The following OTUD7B variants were observed in gnomAD, a reference collection of about 807,000 sequenced individuals.
OTUD7B encodes the protein OTU domain-containing protein 7B.
A neutral mutation model predicts 82.2 loss-of-function variants in OTUD7B; 34 were observed. The observed-to-expected ratio is 0.41, with a 90% CI of 0.31 to 0.55. The LOEUF is 0.55. Among genes scored for constraint, OTUD7B ranks in the 20% least tolerant of loss-of-function variants. OTUD7B has a pLI of 0.20. For missense variants in OTUD7B, 944 were observed against 1,062.1 expected, an observed-to-expected ratio of 0.89 and a Z score of 1.55; for synonymous variants, 398 against 402.7, an observed-to-expected ratio of 0.99 and a Z score of 0.14.
At chr1:150,061,051 A>AC in the OTUD7B span, among the ~76,000 whole-genome samples, 2 of 2,932 alleles carry the variant, frequency 6.8e-4, no homozygotes, top group Non-Finnish European at 1.4e-3. Flanking sequence ...AAAAAACAAA[A>AC]AAAATTTTTT....
intron 1 of OTUD7B, among the ~76,000 whole-genome samples, chr1:150,004,159 G>T (rs1448296629): frequency 6.6e-6 from 1 of 151,754 alleles, no homozygotes; most frequent in Non-Finnish European, 1.5e-5. Context: ...TCTAACTCGG[G>T]CCTCATCACT....
At chr1:150,041,943 GCCA>G in the OTUD7B span, among the ~76,000 whole-genome samples, 16,110 of 152,070 alleles carry the variant, frequency 0.11, 1,189 homozygotes, top group Non-Finnish European at 0.16. Context: ...TCTTTTGAAT[GCCA>G]CTTTCTGTAC....
chr1:149,997,671 G>A (rs1264207593), intron 1 of OTUD7B, among the ~76,000 whole-genome samples: 1 of 152,130 alleles, frequency 6.6e-6, no homozygotes, highest in African/African-American at 2.4e-5. Flanking sequence ...AGAAACCCAG[G>A]CCACTATTGC....
intron 7 of OTUD7B, among the ~76,000 whole-genome samples, chr1:149,950,792 TTTTTTTC>T (rs1457969754): frequency 3.2e-4 from 3 of 9,492 alleles, no homozygotes; most frequent in South Asian, 8.6e-3. Context: ...GTTTTTTGTT[TTTTTTTC>T]TTTTTTTTTT....
At chr1:150,057,568 T>C in the OTUD7B span, among the ~76,000 whole-genome samples, 1 of 152,222 alleles carries the variant, frequency 6.6e-6, no homozygotes, top group Admixed American at 6.5e-5. Context: ...CATGCTTCTG[T>C]AAGGAGATTG....
At chr1:150,021,122 T>C in the OTUD7B span, among the ~76,000 whole-genome samples, 1 of 152,250 alleles carries the variant, frequency 6.6e-6, no homozygotes, top group African/African-American at 2.4e-5. Flanking sequence ...CCTTTTCTAT[T>C]TCTTTCTCTC....
intron 2 of OTUD7B, among the ~76,000 whole-genome samples, chr1:149,974,905 G>T (rs1411202748): frequency 6.6e-6 from 1 of 151,006 alleles, no homozygotes; most frequent in East Asian, 1.9e-4. Context: ...TGTTGCCCAG[G>T]CTGGTCTCAA....
At chr1:149,967,549 A>G in intron 3 of OTUD7B, 28 bp from the exon 4 acceptor site, 1 of 1,531,468 alleles carries the variant, frequency 6.5e-7, no homozygotes, top group Non-Finnish European at 8.9e-7. Context: ...GTCACCTTAG[A>G]ACATACACAG....
In OTUD7B at chr1:149,992,467, GTTTTTTTTTTT is replaced by G. The variant is rs1166098299; in HGVS notation, c.-66-14902_-66-14892del. Among the ~76,000 whole-genome samples, 3 of 61,570 alleles carry G rather than the reference GTTTTTTTTTTT, an allele frequency of 4.9e-5. No individual in the cohort carries two copies. In the East Asian group the frequency reaches 1.8e-3, roughly 36 times the overall value. 40.4% of individuals were successfully genotyped at this position (61,570 alleles called of 152,430 possible). ...TATCTAAATTGTTTTGTGTGCATGTGTTTTTTTTTTTTTTTTTTTTTTTTTTAGTACAGAGT... is the reference window on the plus strand; with the variant it reads ...TATCTAAATTGTTTTGTGTGCATGTGTTTTTTTTTTTTTTTAGTACAGAGT... On this transcript the variant is annotated intron_variant, in intron 1 of 11. Coordinates refer to ENST00000581312, the MANE Select transcript of OTUD7B (RefSeq NM_020205.4).
At chr1:149,965,916 C>T in intron 4 of OTUD7B, 38 bp from the exon 5 acceptor site, 1 of 1,531,024 alleles carries the variant, frequency 6.5e-7, no homozygotes, top group Non-Finnish European at 9.0e-7. Flanking sequence ...GGAGATTATC[C>T]ATGAAGCCCT....
the OTUD7B span, among the ~76,000 whole-genome samples, chr1:150,066,568 A>C: frequency 6.6e-6 from 1 of 152,192 alleles, no homozygotes; most frequent in Non-Finnish European, 1.5e-5. The surrounding 1 kb of genome is among the most constrained non-coding windows in gnomAD (Gnocchi z 4.6). Context: ...TTAAAGTGCT[A>C]TTGGTCTATT....
intron 3 of OTUD7B, among the ~76,000 whole-genome samples, chr1:149,970,705 T>C (rs1649858314): frequency 6.6e-6 from 1 of 152,332 alleles, no homozygotes; most frequent in East Asian, 1.9e-4. Flanking sequence ...AGAGTACATA[T>C]GCATTTTAAT....
chr1:149,979,798 A>G (rs587750854), intron 1 of OTUD7B, among the ~76,000 whole-genome samples: 1 of 152,308 alleles, frequency 6.6e-6, no homozygotes, highest in Non-Finnish European at 1.5e-5. Flanking sequence ...TACAGGCAAG[A>G]ATTTCTTCTC....
chr1:149,942,819 G>A lies in OTUD7B; in HGVS notation c.*1038C>T, dbSNP rs991894115. 1 of 152,336 alleles carries A rather than the reference G, an allele frequency of 6.6e-6. No individual in the cohort carries two copies. Among genetic ancestry groups the A allele is most frequent in the Non-Finnish European group, 1.5e-5 (1 of 68,002 alleles). The allele number at this position is 152,336 out of a possible 1,614,324, so 9.4% of individuals were successfully genotyped here. A position where few individuals can be genotyped will look rare whatever the true frequency, so the allele number is the denominator to read the frequency against. On this transcript the variant is annotated 3_prime_UTR_variant, in exon 12 of 12. Coordinates refer to ENST00000581312, the MANE Select transcript of OTUD7B (RefSeq NM_020205.4). The stretch of plus-strand genomic sequence containing the variant: ...ATTTTTTAAATGTTTTTGCTTGCTG[G>A]GGTCTTTTTATTTCTTTTCCTTAAA...
At chr1:149,955,435 A>G (rs1553774373) in intron 7 of OTUD7B, among the ~76,000 whole-genome samples, 1 of 152,100 alleles carries the variant, frequency 6.6e-6, no homozygotes, top group African/African-American at 2.4e-5. Context: ...GTTCTTTTAC[A>G]TTTGCTGAGG....
At chr1:150,049,936 G>A in the OTUD7B span, among the ~76,000 whole-genome samples, 7 of 152,116 alleles carry the variant, frequency 4.6e-5, no homozygotes, top group African/African-American at 1.2e-4. Context: ...ATGAGGCCAG[G>A]TGTAATGGCT....
intron 1 of OTUD7B, among the ~76,000 whole-genome samples, chr1:149,981,562 C>T (rs1246364363): frequency 6.6e-6 from 1 of 152,156 alleles, no homozygotes; most frequent in Admixed American, 6.5e-5. Context: ...CAAAGCATTT[C>T]TTTACATAAA....
At chr1:150,050,269 C>A in the OTUD7B span, among the ~76,000 whole-genome samples, 3 of 151,368 alleles carry the variant, frequency 2.0e-5, no homozygotes, top group South Asian at 4.2e-4. Context: ...CTCTCATATC[C>A]CAGGAAATCA....
chr1:150,003,629 C>A (rs1652454438), intron 1 of OTUD7B, among the ~76,000 whole-genome samples: 1 of 152,200 alleles, frequency 6.6e-6, no homozygotes. Context: ...TCCCACTAGA[C>A]CCATACGCTC....
Sources: gnomAD v4.1 joint callset for allele counts (sites outside exome capture counted in the v4.1 genomes callset) on GRCh38, gnomAD v4.1.1 for gene constraint, Gnocchi (gnomAD v3.1) non-coding constraint, MANE v1.5 for transcripts, NCBI Gene and HGNC (gene_info 2026-07-23, HGNC 2026-07-21) for gene names.